UNC79: variants seen among roughly 807,000 people sequenced by gnomAD.
UNC79 encodes the protein unc-79 subunit of NALCN channel complex.
UNC79 carries 37 observed loss-of-function variants against 283.1 expected under a neutral mutation model. The observed-to-expected ratio is 0.13, with a 90% CI of 0.10 to 0.17. The LOEUF (loss-of-function observed/expected upper bound fraction) is 0.17. UNC79 is among the 10% of genes least tolerant of loss of function. The pLI is 1.00. For synonymous variants in UNC79, 1,107 were observed against 1,200.2 expected (o/e 0.92, Z 1.61); for missense variants, 2,272 against 3,211.1 (o/e 0.71, Z 7.07).
chr14:93,693,586 C>T (rs868358424), intron 46 of UNC79, among the ~76,000 whole-genome samples: 16 of 152,290 alleles, frequency 1.1e-4, no homozygotes, highest in Middle Eastern at 6.8e-3. Context: ...GGGACATCAC[C>T]TCTACTGTCT....
intron 1 of UNC79, among the ~76,000 whole-genome samples, chr14:93,350,556 G>A (rs928280292): frequency 6.6e-6 from 1 of 152,008 alleles, no homozygotes; most frequent in African/African-American, 2.4e-5. Context: ...TAATTAAGTT[G>A]GTTATAATTA....
In UNC79 at chr14:93,464,747, A is replaced by G. The variant is rs148545018; in HGVS notation, c.23-2924A>G. 2.3e-4 allele frequency among the ~76,000 whole-genome samples: 35 copies of G among 152,244 alleles called. 1 individual carries two copies. The South Asian group carries it at 2.7e-3, about 12-fold the overall frequency. On this transcript the variant is annotated intron_variant, in intron 1 of 48. Coordinates refer to ENST00000555664, the Ensembl canonical transcript of UNC79. Reference sequence around the variant, plus strand: ...TCATTCATTTATATCTATTGGGCCCAATTATTCGAGCCTCCGCAGCAGCAG... The same window carrying G: ...TCATTCATTTATATCTATTGGGCCCGATTATTCGAGCCTCCGCAGCAGCAG...
chr14:93,449,448 T>G (rs1304664127), intron 1 of UNC79, among the ~76,000 whole-genome samples: 1 of 151,976 alleles, frequency 6.6e-6, no homozygotes, highest in Non-Finnish European at 1.5e-5. Flanking sequence ...ACAGAAATGA[T>G]TATCAAAAGT....
intron 18 of UNC79, among the ~76,000 whole-genome samples, chr14:93,578,519 A>G (rs932363594): frequency 6.6e-6 from 1 of 152,210 alleles, no homozygotes. Context: ...GAAAAGTTAC[A>G]AGAATACTAT....
chr14:93,524,362 T>C (rs915941786), intron 8 of UNC79, among the ~76,000 whole-genome samples: 18 of 152,234 alleles, frequency 1.2e-4, no homozygotes, highest in African/African-American at 4.3e-4. Flanking sequence ...CAGGGAAATG[T>C]ATTTTCTCTC....
intron 18 of UNC79, among the ~76,000 whole-genome samples, chr14:93,579,110 G>C (rs2063634018): frequency 6.6e-6 from 1 of 152,050 alleles, no homozygotes; most frequent in African/African-American, 2.4e-5. Flanking sequence ...GAATTAATTT[G>C]GGTCATGCAT....
At chr14:93,581,165 A>T (rs112377961) in intron 19 of UNC79, among the ~76,000 whole-genome samples, 2,059 of 152,046 alleles carry the variant, frequency 0.014, 19 homozygotes, top group African/African-American at 0.026. Context: ...AAATTTTTTT[A>T]AAAAAATTAT....
chr14:93,541,723 G>A (rs1335436004), intron 13 of UNC79, among the ~76,000 whole-genome samples: 2 of 152,182 alleles, frequency 1.3e-5, no homozygotes, highest in Non-Finnish European at 1.5e-5. Context: ...GTCTATTTAT[G>A]GGCCGGGAGC....
intron 1 of UNC79, among the ~76,000 whole-genome samples, chr14:93,363,713 A>G (rs769546118): frequency 6.6e-6 from 1 of 151,836 alleles, no homozygotes. Context: ...TTATATCACT[A>G]TGTAATGCCT....
chr14:93,453,627 G>T (rs1159386278), intron 1 of UNC79, among the ~76,000 whole-genome samples: 1 of 152,156 alleles, frequency 6.6e-6, no homozygotes, highest in South Asian at 2.1e-4. Context: ...CTCATAAGTC[G>T]CTCTTTCAGT....
intron 1 of UNC79, among the ~76,000 whole-genome samples, chr14:93,373,196 A>G (rs949262206): frequency 6.6e-6 from 1 of 152,248 alleles, no homozygotes; most frequent in Non-Finnish European, 1.5e-5. Flanking sequence ...CATTGAGTAC[A>G]TATGTTAGAA....
chr14:93,377,129 C>T (rs960089555), intron 1 of UNC79, among the ~76,000 whole-genome samples: 9 of 144,200 alleles, frequency 6.2e-5, no homozygotes, highest in Non-Finnish European at 9.0e-5. Flanking sequence ...GATGGAGTCT[C>T]GCTCTGTCAC....
intron 1 of UNC79, chr14:93,466,838 G>T (rs1393161476): frequency 1.0e-6 from 1 of 985,240 alleles, no homozygotes; most frequent in Non-Finnish European, 1.2e-6. Context: ...CTAGAACGGG[G>T]TCCTTCACTA....
intron 24 of UNC79, among the ~76,000 whole-genome samples, chr14:93,597,968 A>G (rs889799414): frequency 1.3e-5 from 2 of 152,180 alleles, no homozygotes; most frequent in African/African-American, 2.4e-5. Flanking sequence ...TACCAGAACC[A>G]CATCTTGCTA....
intron 11 of UNC79, among the ~76,000 whole-genome samples, chr14:93,533,019 G>T (rs1204481715): frequency 6.6e-6 from 1 of 152,022 alleles, no homozygotes; most frequent in African/African-American, 2.4e-5. Flanking sequence ...GTATTTATGT[G>T]TAAGTTGAAC....
chr14:93,377,616 C>G (rs912703485), intron 1 of UNC79, among the ~76,000 whole-genome samples: 5 of 152,170 alleles, frequency 3.3e-5, no homozygotes, highest in African/African-American at 9.7e-5. Context: ...CTCTCAATCT[C>G]TCAAACTCTA....
At chr14:93,668,998 A>AG (rs2072533609) in intron 40 of UNC79, among the ~76,000 whole-genome samples, 1 of 150,412 alleles carries the variant, frequency 6.6e-6, no homozygotes, top group Non-Finnish European at 1.5e-5. Context: ...AAAAAAAAAA[A>AG]AAAAGAATAT....
At chr14:93,572,938 A>G in intron 16 of UNC79, 122 bp downstream of exon 16, 1 of 1,285,520 alleles carries the variant, frequency 7.8e-7, no homozygotes, top group Non-Finnish European at 1.1e-6. Flanking sequence ...TTTGCCAAGA[A>G]AGTGTATCTC....
intron 1 of UNC79, among the ~76,000 whole-genome samples, chr14:93,370,869 C>G (rs1274063651): frequency 1.3e-5 from 2 of 151,608 alleles, no homozygotes; most frequent in Admixed American, 1.3e-4. Context: ...AAAGAATATC[C>G]AAGGACTGTG....
Sources: allele counts gnomAD v4.1 joint callset (sites outside exome capture counted in the v4.1 genomes callset), GRCh38; gene constraint gnomAD v4.1.1; transcripts MANE v1.5; gene names NCBI Gene and HGNC (gene_info 2026-07-23, HGNC 2026-07-21).